SIAE: variants seen among roughly 807,000 people sequenced by gnomAD.
The protein encoded by SIAE is sialate O-acetylesterase.
SIAE carries 39 observed loss-of-function variants against 52.6 expected under a neutral mutation model. The observed-to-expected ratio is 0.74, with a 90% CI of 0.57 to 0.97. The LOEUF (loss-of-function observed/expected upper bound fraction) is 0.97, where lower values mean the gene tolerates loss of function less well. Ranked by LOEUF, SIAE falls within the 50% of genes least tolerant of loss-of-function variation. The probability of loss-of-function intolerance (pLI) is 0.00; values close to 1 mark genes in which losing one functional copy is unlikely to be tolerated. For missense variants in SIAE, 592 were observed against 662.1 expected, an observed-to-expected ratio of 0.89 and a Z score of 1.16; for synonymous variants, 233 against 241.4, an observed-to-expected ratio of 0.97 and a Z score of 0.32.
At chr11:124,657,274 A>G (rs1943115984) in intron 3 of SIAE, among the ~76,000 whole-genome samples, 1 of 152,234 alleles carries the variant, frequency 6.6e-6, no homozygotes, top group African/African-American at 2.4e-5. Context: ...AAGGAGTAAG[A>G]ACAGGCTAAT....
At chr11:124,669,958 C>T (rs975053436) in intron 1 of SIAE, among the ~76,000 whole-genome samples, 2 of 152,188 alleles carry the variant, frequency 1.3e-5, no homozygotes, top group African/African-American at 4.8e-5. Flanking sequence ...CTCCTAATGA[C>T]TGGGAATAAA....
intron 5 of SIAE, among the ~76,000 whole-genome samples, chr11:124,648,799 T>C (rs1476456753): frequency 6.6e-6 from 1 of 152,158 alleles, no homozygotes; most frequent in African/African-American, 2.4e-5. Flanking sequence ...CCCAGAGATC[T>C]GGTCTAACGC....
chr11:124,654,550 TG>T (rs2134373821), intron 4 of SIAE, 104 bp downstream of exon 4: 1 of 1,606,656 alleles, frequency 6.2e-7, no homozygotes, highest in Non-Finnish European at 8.5e-7. Flanking sequence ...ATAAAAGGCA[TG>T]AGTAATAATA....
chr11:124,652,138 T>C (rs1333269621), intron 4 of SIAE, among the ~76,000 whole-genome samples: 2 of 151,848 alleles, frequency 1.3e-5, no homozygotes, highest in Non-Finnish European at 2.9e-5. Context: ...GTAAAGAAAA[T>C]GGAAACCCAC....
chr11:124,661,911 T>C (rs1241733117), intron 2 of SIAE, among the ~76,000 whole-genome samples: 2 of 152,200 alleles, frequency 1.3e-5, no homozygotes, highest in African/African-American at 4.8e-5. Flanking sequence ...GGGCCTACTA[T>C]GTGCTAGACA....
chr11:124,636,545 G>C lies in SIAE; in HGVS notation c.*406C>G, dbSNP rs1942744938. On this transcript the variant is annotated 3_prime_UTR_variant, in exon 10 of 10. Coordinates refer to ENST00000263593, the MANE Select transcript of SIAE (RefSeq NM_170601.5). Reference sequence around the variant, plus strand: ...TCGGGCCTGGTTAGTACTTGGATGGGAGAAATTTTATAAAGAACACATGAA... The same window carrying C: ...TCGGGCCTGGTTAGTACTTGGATGGCAGAAATTTTATAAAGAACACATGAA... 3.6e-6 allele frequency: 1 copy of C among 279,900 alleles called. No homozygotes were observed. Among genetic ancestry groups the C allele is most frequent in the Non-Finnish European group, 6.9e-6 (1 of 144,588 alleles). The allele number at this position is 279,900 out of a possible 1,614,324, so 17.3% of individuals were successfully genotyped here. A position where few individuals can be genotyped will look rare whatever the true frequency, so the allele number is the denominator to read the frequency against.
intron 8 of SIAE, 144 bp from the exon 9 acceptor site, chr11:124,638,881 A>C (rs1942797904): frequency 5.8e-6 from 4 of 685,332 alleles, no homozygotes; most frequent in Non-Finnish European, 1.0e-5. Flanking sequence ...TAGTCAGCTC[A>C]AGGGAAATGG....
chr11:124,635,441 CAG>C lies in SIAE; in HGVS notation c.*1508_*1509del, dbSNP rs1252818326. On this transcript the variant is annotated 3_prime_UTR_variant, in exon 10 of 10. Coordinates refer to ENST00000263593, the MANE Select transcript of SIAE (RefSeq NM_170601.5). Reference sequence around the variant, plus strand: ...TACACCAGAACCCCTTGGAACTCTACAGAGGGGTAGAACTAAAGCAAAAACCA... The same window carrying C: ...TACACCAGAACCCCTTGGAACTCTACAGGGGTAGAACTAAAGCAAAAACCA... The C allele has an allele frequency of 6.6e-6, 1 of 152,116 alleles. No individual in the cohort carries two copies. Among genetic ancestry groups the C allele is most frequent in the Non-Finnish European group, 1.5e-5 (1 of 68,026 alleles). 9.4% of individuals were successfully genotyped at this position (152,116 alleles called of 1,614,324 possible).
chr11:124,664,197 T>C (rs983264681), intron 2 of SIAE, among the ~76,000 whole-genome samples: 5 of 152,056 alleles, frequency 3.3e-5, no homozygotes, highest in Non-Finnish European at 7.4e-5. Context: ...TAGGGCTTTA[T>C]GTTCTCATGT....
At position 124,633,125 on chromosome 11, in the gene SIAE, C is replaced by T. The variant is rs1942648390; in HGVS notation, c.*3826G>A. The T allele has an allele frequency of 7.3e-6, 1 of 136,738 alleles. No homozygotes were observed. The allele number at this position is 136,738 out of a possible 1,614,324, so 8.5% of individuals were successfully genotyped here. A position where few individuals can be genotyped will look rare whatever the true frequency, so the allele number is the denominator to read the frequency against. On this transcript the variant is annotated 3_prime_UTR_variant, in exon 10 of 10. Coordinates refer to ENST00000263593, the MANE Select transcript of SIAE (RefSeq NM_170601.5). ...GCACATCCTTCAAGGGGATCTTTAA[C>T]CTCTTTAACCTTTGTATTGCACCTC...
intron 1 of SIAE, among the ~76,000 whole-genome samples, chr11:124,672,685 T>A (rs1472758863): frequency 1.3e-5 from 2 of 152,200 alleles, no homozygotes; most frequent in Non-Finnish European, 2.9e-5. Context: ...TGAGTGGAGA[T>A]AAGAGTCAGG....
At chr11:124,660,991 C>A (rs1230837579) in intron 2 of SIAE, among the ~76,000 whole-genome samples, 188 bp from the exon 3 acceptor site, 2 of 152,146 alleles carry the variant, frequency 1.3e-5, no homozygotes, top group African/African-American at 4.8e-5. Flanking sequence ...TTAATCTGTA[C>A]CAATCCCTCC....
chr11:124,674,359 G>GAAA (rs1419669515), upstream of SIAE: 2 of 150,400 alleles, frequency 1.3e-5, no homozygotes, highest in Non-Finnish European at 3.0e-5. Flanking sequence ...CCCTCTCAAA[G>GAAA]AAAAAAAAAG....
In SIAE at chr11:124,668,759, A is replaced by G. The variant is rs77802458; in HGVS notation, c.229+601T>C. On this transcript the variant is annotated intron_variant, in intron 2 of 9. Coordinates refer to ENST00000263593, the MANE Select transcript of SIAE (RefSeq NM_170601.5). ...ACTTCCAGAGCCTTAGACTACCAATATGAAGTCTTACATTCTTACATTATG... is the reference window on the plus strand; with the variant it reads ...ACTTCCAGAGCCTTAGACTACCAATGTGAAGTCTTACATTCTTACATTATG... Among the ~76,000 whole-genome samples, 347 of 152,338 alleles carry G rather than the reference A, an allele frequency of 2.3e-3. 12 individuals are homozygous for G. In the East Asian group the frequency reaches 0.06, roughly 26 times the overall value.
At chr11:124,651,511 G>A (rs368708862) in intron 4 of SIAE, among the ~76,000 whole-genome samples, 13 of 149,330 alleles carry the variant, frequency 8.7e-5, no homozygotes, top group African/African-American at 3.2e-4. Context: ...TCGTGCCACT[G>A]CACTCCAGCC....
In SIAE at chr11:124,648,066, C is replaced by G. The variant is rs1297891711; in HGVS notation, c.832G>C (p.Gly278Arg). The change falls in exon 6 of 10, where the codon GGG becomes CGG. Residue 278 changes from glycine (G) to arginine (R), a missense_variant and splice_region_variant. Coordinates refer to ENST00000263593, the MANE Select transcript of SIAE (RefSeq NM_170601.5). ...GAGAAAGAGTACACTGAACACTTAC[C>G]CTGGTACCATACTACCCCTTTCAGA... ...MTLKGVVWYQ[G>R]ESNINYNTDL... The G allele has an allele frequency of 6.2e-7, 1 of 1,609,354 alleles. No homozygotes were observed. The highest frequency in any genetic ancestry group is 1.7e-5 in the Admixed American group (1 of 60,014).
intron 3 of SIAE, among the ~76,000 whole-genome samples, chr11:124,657,633 C>T (rs1457220531): frequency 6.6e-6 from 1 of 152,218 alleles, no homozygotes; most frequent in Non-Finnish European, 1.5e-5. Context: ...GGATCCAAAA[C>T]ATTGACTGGA....
chr11:124,637,293 G>C (rs1942765209), intron 9 of SIAE, 91 bp from the exon 10 acceptor site: 9 of 1,565,510 alleles, frequency 5.7e-6, no homozygotes, highest in Non-Finnish European at 7.9e-6. Context: ...TGGATGGGAG[G>C]AAAGGAGACA....
At position 124,670,966 on chromosome 11, in the gene SIAE, G is replaced by C. The variant is rs748069159; in HGVS notation, c.68-1445C>G. Among the ~76,000 whole-genome samples the C allele has an allele frequency of 6.6e-6, 1 of 152,060 alleles. No homozygotes were observed. Among genetic ancestry groups the C allele is most frequent in the Non-Finnish European group, 1.5e-5 (1 of 68,004 alleles). On this transcript the variant is annotated intron_variant, in intron 1 of 9. Coordinates refer to ENST00000263593, the MANE Select transcript of SIAE (RefSeq NM_170601.5). This position sits in a 1 kb window ranked among gnomAD's most constrained non-coding sequence, Gnocchi z 4.5. Reference sequence around the variant, plus strand: ...TTGTCTTGGGTAGGTGCTTCATATGGAACCAAAAAAAGGAAAACCACAGAC... The same window carrying C: ...TTGTCTTGGGTAGGTGCTTCATATGCAACCAAAAAAAGGAAAACCACAGAC...
Sources: allele counts gnomAD v4.1 joint callset (sites outside exome capture counted in the v4.1 genomes callset), GRCh38; gene constraint gnomAD v4.1.1; non-coding constraint Gnocchi (gnomAD v3.1); transcripts MANE v1.5; gene names NCBI Gene and HGNC (gene_info 2026-07-23, HGNC 2026-07-21).